ARGFX: variants seen among roughly 807,000 people sequenced by gnomAD.
The protein encoded by ARGFX is arginine-fifty homeobox.
ARGFX carries 10 observed loss-of-function variants against 8.0 expected under a neutral mutation model. The observed-to-expected ratio is 1.25, with a 90% CI of 0.77 to 2.12. The LOEUF is 2.12. Ranked by LOEUF, ARGFX falls within the 30% of genes most tolerant of loss-of-function variation. ARGFX has a pLI of 0.00. For missense variants in ARGFX, 282 were observed against 324.3 expected, an observed-to-expected ratio of 0.87 and a Z score of 1.00; for synonymous variants, 116 against 117.8, an observed-to-expected ratio of 0.98 and a Z score of 0.10.
In ARGFX at chr3:121,576,707, T is replaced by TTCTTTCTTTC. The variant is rs377124457; in HGVS notation, c.104-76_104-75insCTTTCTTTCT. 9.6e-4 allele frequency: 240 copies of TTCTTTCTTTC among 249,148 alleles called. 2 individuals carry two copies. The highest frequency in any genetic ancestry group is 6.1e-3 in the African/African-American group (229 of 37,726). 15.4% of individuals were successfully genotyped at this position (249,148 alleles called of 1,614,324 possible). The stretch of plus-strand genomic sequence containing the variant: ...TTTTTCTTTCTTTCTCTTTCTTTCT[T>TTCTTTCTTTC]TTTCTTTCTTTCTTTCTTTCTTTCT... On this transcript the variant is annotated intron_variant, in intron 2 of 4. Coordinates refer to ENST00000334384, the MANE Select transcript of ARGFX (RefSeq NM_001012659.2).
Position 121,586,959 on chromosome 3 carries a change from G to A in ARGFX, c.*359G>A, listed in dbSNP as rs1221236078. 1.3e-5 allele frequency among the ~76,000 whole-genome samples: 2 copies of A among 152,000 alleles called. No homozygotes were observed. Among genetic ancestry groups the A allele is most frequent in the Admixed American group, 6.6e-5 (1 of 15,250 alleles). ...GGCTGGAATACAGTGGTACAGTCAC[G>A]GCTCACAAAAGCCTTGACCTCCTGG... On this transcript the variant is annotated 3_prime_UTR_variant, in exon 5 of 5. Coordinates refer to ENST00000334384, the MANE Select transcript of ARGFX (RefSeq NM_001012659.2).
At chr3:121,577,212 T>C (rs1010937921) in intron 3 of ARGFX, among the ~76,000 whole-genome samples, 2 of 139,864 alleles carry the variant, frequency 1.4e-5, no homozygotes, top group African/African-American at 5.4e-5. Flanking sequence ...TATATATATA[T>C]ATATCTACAT....
In ARGFX at chr3:121,580,291, C is replaced by A. The variant is rs372605210; in HGVS notation, c.220+3391C>A. Among the ~76,000 whole-genome samples the A allele has an allele frequency of 2.6e-5, 4 of 151,460 alleles. No individual in the cohort carries two copies. The East Asian group carries it at 7.8e-4, about 30-fold the overall frequency. ...CCGAGTAGCTGGGATTACAGGCATG[C>A]ACCACCATGCCCAGCTAATTTTTGT... On this transcript the variant is annotated intron_variant, in intron 3 of 4. Transcript: ENST00000334384.
intron 2 of ARGFX, among the ~76,000 whole-genome samples, chr3:121,573,216 C>T (rs2048718462): frequency 6.6e-6 from 1 of 152,198 alleles, no homozygotes; most frequent in East Asian, 1.9e-4. Context: ...CATGGTGGCT[C>T]ATGCCTGTAA....
chr3:121,569,404 C>T (rs898145072), intron 1 of ARGFX, among the ~76,000 whole-genome samples: 1 of 135,888 alleles, frequency 7.4e-6, no homozygotes, highest in Non-Finnish European at 1.5e-5. Flanking sequence ...CTTGCTCTGT[C>T]GCCCAGGCTG....
rs2048833544 is a variant in ARGFX, at chr3:121,589,530, C to CCA, written c.*2934_*2935dup. Among the ~76,000 whole-genome samples the CCA allele has an allele frequency of 6.6e-6, 1 of 152,070 alleles. No individual in the cohort carries two copies. The highest frequency in any genetic ancestry group is 2.1e-4 in the South Asian group (1 of 4,826). ...TAGCTGGGACTACAGGTGTACGCCACCACACCCAGCTAATTTTTGTATTTT... is the reference window on the plus strand; with the variant it reads ...TAGCTGGGACTACAGGTGTACGCCACCACACACCCAGCTAATTTTTGTATTTT... On this transcript the variant is annotated 3_prime_UTR_variant, in exon 5 of 5. Coordinates refer to ENST00000334384, the MANE Select transcript of ARGFX (RefSeq NM_001012659.2).
At chr3:121,582,127 T>C (rs940281517) in intron 3 of ARGFX, among the ~76,000 whole-genome samples, 3 of 152,174 alleles carry the variant, frequency 2.0e-5, no homozygotes, top group Non-Finnish European at 4.4e-5. Flanking sequence ...TGTAAATTGT[T>C]ATTTTTAAAC....
Position 121,589,874 on chromosome 3 carries a change from T to A in ARGFX, c.*3274T>A, listed in dbSNP as rs2048835280. Among the ~76,000 whole-genome samples, 1 of 151,994 alleles carries A rather than the reference T, an allele frequency of 6.6e-6. No individual in the cohort carries two copies. The highest frequency in any genetic ancestry group is 2.1e-4 in the South Asian group (1 of 4,820). ...AATGTGGTATATTCATAGAACATTC[T>A]CAATAATTGATAATAACAGTCCAAA... On this transcript the variant is annotated 3_prime_UTR_variant, in exon 5 of 5. Transcript: ENST00000334384.
In ARGFX at chr3:121,586,381, C is replaced by T. The variant is rs2048813128; in HGVS notation, c.729C>T (p.Ser243=). Residue 243 remains serine (S), a synonymous_variant, in exon 5 of 5, where the codon TCC becomes TCT. Coordinates refer to ENST00000334384, the MANE Select transcript of ARGFX (RefSeq NM_001012659.2). ...ATCTTCCTGATGAGAATGAGATATC[C>T]AGCTCTTCTTTCCACTGTCTGTATC... ...LYNLPDENEI[S]SSSFHCLYQY... 1 of 1,614,166 alleles carries T rather than the reference C, an allele frequency of 6.2e-7. No individual in the cohort carries two copies. The highest frequency in any genetic ancestry group is 1.1e-5 in the South Asian group (1 of 91,084).
intron 3 of ARGFX, among the ~76,000 whole-genome samples, chr3:121,581,575 C>T (rs946460020): frequency 1.3e-5 from 2 of 152,122 alleles, no homozygotes; most frequent in South Asian, 2.1e-4. Context: ...AATAATTGCA[C>T]TATCAGTTTT....
At chr3:121,584,297 C>A (rs59181464) in intron 3 of ARGFX, among the ~76,000 whole-genome samples, 47,462 of 150,682 alleles carry the variant, frequency 0.31, 7,903 homozygotes, top group East Asian at 0.61. Flanking sequence ...CAAAGCAAAG[C>A]AAAGAAAAGA....
rs957710878 is a variant in ARGFX at position 121,567,968 on chromosome 3, C to T, written c.-58C>T. On this transcript the variant is annotated 5_prime_UTR_variant, in exon 1 of 5. Transcript: ENST00000334384. ...GAAACTGCATTTCCAGAGAGAGACA[C>T]ACCACGTAGGACTGAAAATGGTTAC... Among the ~76,000 whole-genome samples, 6 of 152,160 alleles carry T rather than the reference C, an allele frequency of 3.9e-5. No homozygotes were observed. Among genetic ancestry groups the T allele is most frequent in the Middle Eastern group, 3.4e-3 (1 of 294 alleles).
Position 121,588,869 on chromosome 3 carries a change from C to A in ARGFX, c.*2269C>A, listed in dbSNP as rs1239470235. Among the ~76,000 whole-genome samples, 1 of 151,840 alleles carries A rather than the reference C, an allele frequency of 6.6e-6. No individual in the cohort carries two copies. Among genetic ancestry groups the A allele is most frequent in the African/African-American group, 2.4e-5 (1 of 41,212 alleles). The stretch of plus-strand genomic sequence containing the variant: ...AAGGATTGAAACTATGCAGTGTGTT[C>A]TCCAAACATGATGGAACGAAATTAG... On this transcript the variant is annotated 3_prime_UTR_variant, in exon 5 of 5. Coordinates refer to ENST00000334384, the MANE Select transcript of ARGFX (RefSeq NM_001012659.2).
In ARGFX at chr3:121,590,122, G is replaced by T. The variant is rs2048836288; in HGVS notation, c.*3522G>T. On this transcript the variant is annotated 3_prime_UTR_variant, in exon 5 of 5. Transcript: ENST00000334384. ...AAACTTATAGAAATAAAAATTATTA[G>T]AAAGAAATACTATGAACAATTGAAT... Among the ~76,000 whole-genome samples the T allele has an allele frequency of 2.0e-5, 3 of 152,156 alleles. No individual in the cohort carries two copies. The highest frequency in any genetic ancestry group is 4.4e-5 in the Non-Finnish European group (3 of 68,010).
intron 3 of ARGFX, among the ~76,000 whole-genome samples, chr3:121,580,594 G>GTATA (rs1553835375): frequency 9.5e-5 from 7 of 73,412 alleles, no homozygotes; most frequent in East Asian, 3.8e-4. Context: ...GTGTGTGTGT[G>GTATA]TATATATATA....
At chr3:121,571,553 A>ATAT (rs139923317) in intron 2 of ARGFX, among the ~76,000 whole-genome samples, 2,267 of 148,304 alleles carry the variant, frequency 0.015, 59 homozygotes, top group African/African-American at 0.051. Flanking sequence ...GGAAGGCTTA[A>ATAT]TATTATTATT....
rs2048833732 is a variant in ARGFX at position 121,589,573 on chromosome 3, G to T, written c.*2973G>T. Among the ~76,000 whole-genome samples, 1 of 152,016 alleles carries T rather than the reference G, an allele frequency of 6.6e-6. No homozygotes were observed. The highest frequency in any genetic ancestry group is 2.4e-5 in the African/African-American group (1 of 41,380). ...TGTATTTTTAGTAGGGACAGGTTTT[G>T]CCATGTTGCCCAGGCTGGCCTCAAA... is the stretch of plus-strand genomic sequence containing the variant. On this transcript the variant is annotated 3_prime_UTR_variant, in exon 5 of 5. Transcript: ENST00000334384.
intron 3 of ARGFX, among the ~76,000 whole-genome samples, chr3:121,582,408 C>T (rs2048784997): frequency 6.6e-6 from 1 of 151,832 alleles, no homozygotes; most frequent in South Asian, 2.1e-4. Context: ...AAGGTAAATA[C>T]AGTTTGAGTA....
chr3:121,575,497 C>T (rs751234048), intron 2 of ARGFX, among the ~76,000 whole-genome samples: 4 of 152,036 alleles, frequency 2.6e-5, no homozygotes, highest in African/African-American at 4.8e-5. Flanking sequence ...CTAGTCCAGG[C>T]TTGGAGGGAG....
Sources: allele counts gnomAD v4.1 joint callset (sites outside exome capture counted in the v4.1 genomes callset), GRCh38; gene constraint gnomAD v4.1.1; transcripts MANE v1.5; gene names NCBI Gene and HGNC (gene_info 2026-07-23, HGNC 2026-07-21).